Variants in CIMIP2A observed in about 807,000 individuals in gnomAD.
CIMIP2A encodes the protein family with sequence similarity 166 member A.
At chr9:137,244,472 G>A in the CIMIP2A span, 1 of 1,497,756 alleles carries the variant, frequency 6.7e-7, no homozygotes, top group Non-Finnish European at 8.9e-7. Flanking sequence ...GCAAGACTCA[G>A]GAGAGAGGGG....
the CIMIP2A span, chr9:137,252,386 G>A: frequency 5.8e-6 from 9 of 1,563,544 alleles, no homozygotes; most frequent in Non-Finnish European, 5.2e-6. Context: ...AGTGGGGACT[G>A]TCACCTGGGT....
At chr9:137,250,759 C>T in the CIMIP2A span, 2 of 161,844 alleles carry the variant, frequency 1.2e-5, no homozygotes, top group African/African-American at 4.8e-5. Context: ...CGGCCTGCCT[C>T]TGGTGTCAGA....
At chr9:137,254,628 G>A in the CIMIP2A span, among the ~76,000 whole-genome samples, 6 of 152,384 alleles carry the variant, frequency 3.9e-5, no homozygotes, top group East Asian at 3.9e-4. Flanking sequence ...AAAGAGAGAG[G>A]GTGTGTGTAG....
chr9:137,252,830 T>C, the CIMIP2A span: 1 of 1,570,176 alleles, frequency 6.4e-7, no homozygotes, highest in Non-Finnish European at 8.6e-7. Context: ...GCTTCAGGCC[T>C]CTTTGCAGGC....
the CIMIP2A span, chr9:137,245,904 A>C: frequency 7.1e-7 from 1 of 1,406,370 alleles, no homozygotes; most frequent in Non-Finnish European, 9.4e-7. Context: ...CAGCCCCAGC[A>C]CTGGGCAGGG....
chr9:137,246,452 G>C, the CIMIP2A span, among the ~76,000 whole-genome samples: 1 of 152,234 alleles, frequency 6.6e-6, no homozygotes, highest in African/African-American at 2.4e-5. Context: ...CAAGGAGTGA[G>C]AACTACCTTC....
chr9:137,253,073 GGCT>G, the CIMIP2A span: 3 of 1,541,768 alleles, frequency 1.9e-6, no homozygotes, highest in Non-Finnish European at 2.6e-6. Context: ...TTTGAGTTGG[GGCT>G]GCTACCTGGG....
At chr9:137,243,721 T>C in the CIMIP2A span, 2 of 1,614,164 alleles carry the variant, frequency 1.2e-6, no homozygotes, top group Admixed American at 1.7e-5. Context: ...GGTTTCGCTT[T>C]GCCCATTCCT....
chr9:137,253,576 G>C, the CIMIP2A span: 1 of 1,223,042 alleles, frequency 8.2e-7, no homozygotes, highest in Non-Finnish European at 1.1e-6. Flanking sequence ...CTGTTGAGGG[G>C]TCTCCATTCA....
chr9:137,251,232 C>A, the CIMIP2A span: 1 of 1,183,678 alleles, frequency 8.4e-7, no homozygotes, highest in Non-Finnish European at 1.3e-6. Context: ...AGGGGCCTAC[C>A]AGTGAGGTCA....
chr9:137,244,422 C>A, the CIMIP2A span: 1 of 1,537,250 alleles, frequency 6.5e-7, no homozygotes, highest in South Asian at 1.3e-5. Flanking sequence ...CTTCTGCATC[C>A]CCCTACCCCC....
chr9:137,247,645 G>A, the CIMIP2A span: 32 of 1,611,534 alleles, frequency 2.0e-5, no homozygotes, highest in African/African-American at 4.3e-4. Flanking sequence ...CACCTCCAGA[G>A]CTCCCGGCTC....
chr9:137,245,833 T>C, the CIMIP2A span: 23 of 1,506,844 alleles, frequency 1.5e-5, no homozygotes, highest in African/African-American at 2.8e-4. Flanking sequence ...GTAGCGCAGC[T>C]GCGGAAAGAA....
chr9:137,244,406 C>T, the CIMIP2A span: 1 of 1,566,256 alleles, frequency 6.4e-7, no homozygotes, highest in Non-Finnish European at 8.7e-7. Context: ...TGCTAATGCT[C>T]CCAGCCTTCT....
At chr9:137,245,848 G>A in the CIMIP2A span, 2 of 1,506,516 alleles carry the variant, frequency 1.3e-6, no homozygotes, top group Admixed American at 2.2e-5. Flanking sequence ...AAAGAAGCCG[G>A]CATAGCTGTG....
the CIMIP2A span, chr9:137,252,456 A>G: frequency 6.3e-7 from 1 of 1,594,928 alleles, no homozygotes; most frequent in Non-Finnish European, 8.6e-7. Flanking sequence ...GCCGCAGGGC[A>G]TGGCAGACTT....
At chr9:137,252,638 A>AG in the CIMIP2A span, 1 of 1,450,112 alleles carries the variant, frequency 6.9e-7, no homozygotes, top group South Asian at 1.3e-5. Context: ...CCTGCCCTGC[A>AG]GCCCGTCTCC....
At chr9:137,243,600 T>TAA in the CIMIP2A span, 1 of 1,613,034 alleles carries the variant, frequency 6.2e-7, no homozygotes, top group Non-Finnish European at 8.5e-7. Flanking sequence ...TGTGAACTCT[T>TAA]TATTCACTCC....
At chr9:137,246,553 G>A in the CIMIP2A span, among the ~76,000 whole-genome samples, 1 of 152,110 alleles carries the variant, frequency 6.6e-6, no homozygotes. Flanking sequence ...CACGAGGTCA[G>A]GAGATCAAGA....
Sources: allele counts gnomAD v4.1 joint callset (sites outside exome capture counted in the v4.1 genomes callset), GRCh38; gene constraint gnomAD v4.1.1; transcripts MANE v1.5; gene names NCBI Gene and HGNC (gene_info 2026-07-23, HGNC 2026-07-21).